The following PDE4DIP variants were observed in gnomAD, a reference collection of about 807,000 sequenced individuals.
The protein encoded by PDE4DIP is myomegalin.
Under a neutral mutation model 221.4 loss-of-function variants are expected in PDE4DIP, and 59 were observed. The observed-to-expected ratio is 0.27, with a 90% confidence interval of 0.22 to 0.33. The LOEUF is 0.33. PDE4DIP is among the 10% of genes least tolerant of loss of function. The pLI, the probability that PDE4DIP is intolerant of heterozygous loss-of-function variation, is 1.00. For synonymous variants in PDE4DIP, 404 were observed against 815.9 expected (o/e 0.50, Z 8.60); for missense variants, 1,036 against 2,154.2 (o/e 0.48, Z 10.28).
At chr1:149,009,979 G>A (rs587694153) in intron 30 of PDE4DIP, among the ~76,000 whole-genome samples, 188 bp downstream of exon 33, 5 of 152,178 alleles carry the variant, frequency 3.3e-5, no homozygotes, top group Non-Finnish European at 5.9e-5. Context: ...CTCTGTCACC[G>A]TGGCCTCCAT....
chr1:148,969,614 A>T (rs1464818101), intron 14 of PDE4DIP, among the ~76,000 whole-genome samples: 1 of 151,154 alleles, frequency 6.6e-6, no homozygotes, highest in African/African-American at 2.4e-5. Context: ...TTAAGAGGGA[A>T]AAAAGATCGC....
rs782087990 is a variant in PDE4DIP, at chr1:148,967,782, C to T, written c.1662C>T (p.Thr554=). 9.6e-6 allele frequency: 13 copies of T among 1,352,552 alleles called. No individual in the cohort carries two copies. In the Admixed American group the frequency reaches 2.0e-4, roughly 21 times the overall value. The allele number at this position is 1,352,552 out of a possible 1,614,324, so 83.8% of individuals were successfully genotyped here. A position where few individuals can be genotyped will look rare whatever the true frequency, so the allele number is the denominator to read the frequency against. Residue 554 remains threonine (T), a synonymous_variant, in exon 13 of 44, where the codon ACC becomes ACT. Transcript: ENST00000369354. The stretch of plus-strand genomic sequence containing the variant: ...TGGAAGTGGAACAGTTATCTACTAC[C>T]TGTCAAAACCTCCAGTGGCTGAAAG...
intron 2 of PDE4DIP, among the ~76,000 whole-genome samples, chr1:148,865,155 C>G (rs1686056785): frequency 1.4e-5 from 2 of 139,684 alleles, no homozygotes; most frequent in African/African-American, 2.9e-5. Flanking sequence ...GTGGTGCCGT[C>G]TCGGCTCACT....
intron 1 of PDE4DIP, among the ~76,000 whole-genome samples, chr1:148,820,810 A>T (rs1274214998): frequency 2.9e-4 from 42 of 144,976 alleles, no homozygotes; most frequent in African/African-American, 1.0e-3. Context: ...TAATCTTGAG[A>T]CCCACACGAG....
chr1:149,000,330 G>T (rs1396894704), intron 23 of PDE4DIP, among the ~76,000 whole-genome samples: 1 of 152,148 alleles, frequency 6.6e-6, no homozygotes, highest in Non-Finnish European at 1.5e-5. Context: ...CAAGGCAGGC[G>T]GATCACCTGA....
chr1:148,950,645 C>G (rs2052942992), intron 5 of PDE4DIP, among the ~76,000 whole-genome samples: 1 of 138,762 alleles, frequency 7.2e-6, no homozygotes, highest in African/African-American at 2.7e-5. Flanking sequence ...AGAGCAGGAG[C>G]AAGATGGAGC....
At chr1:148,962,953 C>T (rs1220509200) in intron 9 of PDE4DIP, among the ~76,000 whole-genome samples, 1 of 152,170 alleles carries the variant, frequency 6.6e-6, no homozygotes, top group Non-Finnish European at 1.5e-5. Context: ...AGTGCAGTGG[C>T]GCGATCTCCG....
chr1:148,931,486 AAAG>A (rs2047972018), intron 2 of PDE4DIP: 1 of 184,776 alleles, frequency 5.4e-6, no homozygotes. Flanking sequence ...ACACTTTTCA[AAAG>A]AAGACATACA....
At chr1:148,990,077 G>T (rs587771061) in intron 21 of PDE4DIP, 13 of 267,874 alleles carry the variant, frequency 4.9e-5, no homozygotes, top group Non-Finnish European at 6.9e-5. Flanking sequence ...TTAACATAAA[G>T]TTCATGGTGT....
intron 19 of PDE4DIP, 52 bp downstream of exon 22, chr1:148,978,467 C>CTT (rs373352718): frequency 8.9e-4 from 853 of 961,016 alleles, no homozygotes; most frequent in Middle Eastern, 2.2e-3. Flanking sequence ...TTTTTGTATT[C>CTT]TTTTTTTTTT....
At chr1:148,832,932 G>GA (rs1672512408) in intron 1 of PDE4DIP, among the ~76,000 whole-genome samples, 1 of 103,936 alleles carries the variant, frequency 9.6e-6, no homozygotes, top group Non-Finnish European at 2.2e-5. Context: ...TTGGTATCAG[G>GA]ATGATGCTGG....
At chr1:149,016,357 C>A (rs376826439) in exon 33 of PDE4DIP, 50 of 1,525,276 alleles carry the variant, frequency 3.3e-5, no homozygotes, top group Non-Finnish European at 4.1e-5. Flanking sequence ...ACTTGGAAGC[C>A]GACTCTTCCT....
In PDE4DIP at chr1:148,978,537, A is replaced by T. The variant is rs1187930643; in HGVS notation, c.2574+122A>T. 4 of 632,180 alleles carry T rather than the reference A, an allele frequency of 6.3e-6. No homozygotes were observed. The African/African-American group carries it at 7.5e-5, about 12-fold the overall frequency. 39.2% of individuals were successfully genotyped at this position (632,180 alleles called of 1,614,324 possible). A position where few individuals can be genotyped will look rare whatever the true frequency, so the allele number is the denominator to read the frequency against. On this transcript the variant is annotated intron_variant, in intron 19 of 43. Transcript: ENST00000369354. ...GGCTAGTCTTGAACTCCTGACTGCA[A>T]GTGATCCATCCTCCTCGGCCCCTCA...
chr1:148,966,806 T>A, intron 11 of PDE4DIP, 33 bp from the exon 15 acceptor site: 1 of 842,942 alleles, frequency 1.2e-6, no homozygotes, highest in Non-Finnish European at 2.1e-6. Context: ...TAGTAAATCT[T>A]ACAGAGCTTT....
intron 2 of PDE4DIP, chr1:148,930,921 A>G (rs1199744206): frequency 3.2e-5 from 2 of 63,294 alleles, no homozygotes; most frequent in Non-Finnish European, 5.8e-5. Context: ...ATGTTGCTGG[A>G]AAAAAAAAAA....
intron 21 of PDE4DIP, chr1:148,986,562 T>C (rs1298999189): frequency 6.6e-6 from 1 of 152,188 alleles, no homozygotes; most frequent in Non-Finnish European, 1.5e-5. Context: ...ATCAGTCTAT[T>C]GATTATTTAC....
At chr1:149,030,791 G>A (rs587624859) in intron 43 of PDE4DIP, 1 of 983,350 alleles carries the variant, frequency 1.0e-6, no homozygotes, top group South Asian at 4.7e-5. Flanking sequence ...GATCTGTTGG[G>A]TCTCATTGGT....
chr1:149,031,762 C>T (rs1404371574), intron 43 of PDE4DIP, among the ~76,000 whole-genome samples, 182 bp from the exon 47 acceptor site: 2 of 149,282 alleles, frequency 1.3e-5, no homozygotes, highest in African/African-American at 2.5e-5. Flanking sequence ...GGGAGGCTCC[C>T]CCTAACCTCG....
intron 1 of PDE4DIP, among the ~76,000 whole-genome samples, chr1:148,893,215 T>TTGC (rs1192052468): frequency 1.4e-5 from 2 of 139,806 alleles, no homozygotes; most frequent in Non-Finnish European, 3.1e-5. Context: ...GCCTCCTAAA[T>TTGC]TGCTGGGATT....
Sources: allele counts gnomAD v4.1 joint callset (sites outside exome capture counted in the v4.1 genomes callset), GRCh38; gene constraint gnomAD v4.1.1; transcripts MANE v1.5; gene names NCBI Gene and HGNC (gene_info 2026-07-23, HGNC 2026-07-21).